Variants in DEUP1 observed in about 807,000 individuals in gnomAD.
DEUP1 encodes the protein coiled-coil domain containing 67.
Under a neutral mutation model 87.4 loss-of-function variants are expected in DEUP1, and 82 were observed. The ratio of observed to expected loss-of-function variants is 0.94; its 90% CI spans 0.78 to 1.13. DEUP1 has a LOEUF of 1.13. Ranked by LOEUF, DEUP1 falls within the 50% of genes most tolerant of loss-of-function variation. The probability of loss-of-function intolerance (pLI) is 0.00; values close to 1 mark genes in which losing one functional copy is unlikely to be tolerated. For missense variants in DEUP1, 663 were observed against 681.5 expected (o/e 0.97, Z 0.30); for synonymous variants, 214 against 222.7 (o/e 0.96, Z 0.35).
rs1948292972 is a variant in DEUP1, at chr11:93,437,752, CA to C, written c.*34del. 9.5e-7 allele frequency: 1 copy of C among 1,052,796 alleles called. No individual in the cohort carries two copies. The highest frequency in any genetic ancestry group is 2.7e-5 in the East Asian group (1 of 37,096). The allele number at this position is 1,052,796 out of a possible 1,614,324, so 65.2% of individuals were successfully genotyped here. ...AACTTTTTTATTTGCTTCCCCCCCC[CA>C]CCCCCGCCAAGAAAAAAAGCTCTGG... is the stretch of plus-strand genomic sequence containing the variant. On this transcript the variant is annotated 3_prime_UTR_variant, in exon 14 of 14. Transcript: ENST00000298050.
intron 4 of DEUP1, among the ~76,000 whole-genome samples, chr11:93,362,036 C>T (rs1014940812): frequency 1.3e-5 from 2 of 151,942 alleles, no homozygotes; most frequent in African/African-American, 4.8e-5. Context: ...AAGTTGGAGC[C>T]CTACCTTAAA....
At chr11:93,361,759 G>A (rs1479718973) in intron 4 of DEUP1, among the ~76,000 whole-genome samples, 1 of 151,882 alleles carries the variant, frequency 6.6e-6, no homozygotes, top group Non-Finnish European at 1.5e-5. Flanking sequence ...AACAAAAAAG[G>A]GCTTAAGCCT....
At chr11:93,392,114 T>C (rs1946782217) in intron 9 of DEUP1, among the ~76,000 whole-genome samples, 1 of 152,196 alleles carries the variant, frequency 6.6e-6, no homozygotes, top group African/African-American at 2.4e-5. Context: ...TCTGGACATG[T>C]GTACTTTCCA....
chr11:93,384,118 A>G (rs917778667), intron 7 of DEUP1, among the ~76,000 whole-genome samples: 1 of 152,138 alleles, frequency 6.6e-6, no homozygotes, highest in Non-Finnish European at 1.5e-5. Flanking sequence ...AAATCACCCA[A>G]CAGGCCATGG....
chr11:93,363,401 C>G (rs888791569), intron 4 of DEUP1, among the ~76,000 whole-genome samples: 7 of 151,660 alleles, frequency 4.6e-5, no homozygotes, highest in African/African-American at 1.7e-4. Flanking sequence ...TACTGTGGTT[C>G]AATAAGATGT....
Position 93,437,865 on chromosome 11 carries a change from T to C in DEUP1, c.*146T>C, listed in dbSNP as rs1591288044. On this transcript the variant is annotated 3_prime_UTR_variant, in exon 14 of 14. Transcript: ENST00000298050. ...TAATTTCCGTAAGGCAGCTAGAAAA[T>C]AGTAAGTATTTTGTTCTATAAAGCT... 5.2e-6 allele frequency: 3 copies of C among 581,340 alleles called. No individual in the cohort carries two copies. The highest frequency in any genetic ancestry group is 6.1e-5 in the East Asian group (2 of 32,688). The allele number at this position is 581,340 out of a possible 1,614,324, so 36.0% of individuals were successfully genotyped here. A position where few individuals can be genotyped will look rare whatever the true frequency, so the allele number is the denominator to read the frequency against.
At chr11:93,348,328 T>C (rs148194117) in intron 2 of DEUP1, among the ~76,000 whole-genome samples, 249 of 152,300 alleles carry the variant, frequency 1.6e-3, no homozygotes, top group African/African-American at 5.7e-3. Context: ...TTTATGTCTC[T>C]GTCTTCTTCA....
intron 7 of DEUP1, 25 bp from the exon 8 acceptor site, chr11:93,385,373 G>A: frequency 6.2e-7 from 1 of 1,610,108 alleles, no homozygotes; most frequent in South Asian, 1.1e-5. Context: ...CAATGAGCAT[G>A]AAATTTTTTG....
chr11:93,357,085 TA>T (rs755344861), intron 4 of DEUP1, 42 bp downstream of exon 4: 80 of 1,229,872 alleles, frequency 6.5e-5, no homozygotes, highest in South Asian at 2.1e-4. Context: ...CATTTTGATA[TA>T]TTTTTTTTTA....
At chr11:93,379,893 T>A (rs2134302811) in intron 7 of DEUP1, among the ~76,000 whole-genome samples, 1 of 152,346 alleles carries the variant, frequency 6.6e-6, no homozygotes, top group East Asian at 1.9e-4. Flanking sequence ...AAAATTAAAA[T>A]CCAGCTACTC....
rs753230404 is a variant in DEUP1 at position 93,357,357 on chromosome 11, A to AT, written c.297+320dup. ...CTGTGAGCAACAACAAAAAACAATT[A>AT]TTTTTTGTGGTTATTACTATCTAAT... On this transcript the variant is annotated intron_variant, in intron 4 of 13. Coordinates refer to ENST00000298050, the MANE Select transcript of DEUP1 (RefSeq NM_181645.4). 3.7e-5 allele frequency: 7 copies of AT among 188,162 alleles called. No homozygotes were observed. In the South Asian group the frequency reaches 7.0e-4, roughly 19 times the overall value. The allele number at this position is 188,162 out of a possible 1,614,324, so 11.7% of individuals were successfully genotyped here.
At chr11:93,364,767 T>C (rs1230461932) in intron 5 of DEUP1, among the ~76,000 whole-genome samples, 1 of 152,026 alleles carries the variant, frequency 6.6e-6, no homozygotes, top group Admixed American at 6.6e-5. Flanking sequence ...GCATTCAGAA[T>C]TTCTAAAATT....
chr11:93,434,060 G>A (rs1223560401), intron 13 of DEUP1, among the ~76,000 whole-genome samples: 1 of 152,154 alleles, frequency 6.6e-6, no homozygotes, highest in Non-Finnish European at 1.5e-5. Context: ...CCCAGCTAGA[G>A]GAGAGATGCA....
intron 2 of DEUP1, among the ~76,000 whole-genome samples, chr11:93,343,751 A>G (rs1944191234): frequency 6.6e-6 from 1 of 152,204 alleles, no homozygotes; most frequent in Non-Finnish European, 1.5e-5. Context: ...AGGGACTTGG[A>G]GGCTATGGCG....
chr11:93,418,606 T>C (rs1252665204), intron 13 of DEUP1, among the ~76,000 whole-genome samples: 3 of 151,816 alleles, frequency 2.0e-5, no homozygotes, highest in African/African-American at 4.8e-5. Flanking sequence ...AGTTCAACCA[T>C]TGTGGAAGTC....
rs201790053 is a variant in DEUP1, at chr11:93,355,449, G to A, written c.108G>A (p.Trp36Ter). The change falls in exon 3 of 14, where the codon TGG (tryptophan) becomes TGA (stop). Residue 36 changes from tryptophan to a stop codon, truncating the protein, a stop_gained. Transcript: ENST00000298050. LOFTEE classifies it high-confidence loss of function. Reference sequence around the variant, plus strand: ...TGGTAAGCAACAAGAAAATGGATTGGGAAAGAAAGATGCGGGCTTTGGAGA... The same window carrying A: ...TGGTAAGCAACAAGAAAATGGATTGAGAAAGAAAGATGCGGGCTTTGGAGA... ...DIMVSNKKMD[W>*]ERKMRALETR... 1.0e-4 allele frequency: 166 copies of A among 1,613,654 alleles called. No individual in the cohort carries two copies. The highest frequency in any genetic ancestry group is 1.1e-4 in the Non-Finnish European group (133 of 1,179,778).
At chr11:93,404,385 T>C (rs561865366) in intron 11 of DEUP1, among the ~76,000 whole-genome samples, 1 of 152,178 alleles carries the variant, frequency 6.6e-6, no homozygotes, top group South Asian at 2.1e-4. Flanking sequence ...TCAGATTTAA[T>C]TAGAACTCAG....
chr11:93,332,112 GA>G, intron 1 of DEUP1, 103 bp from the exon 2 acceptor site: 1 of 635,104 alleles, frequency 1.6e-6, no homozygotes, highest in Non-Finnish European at 2.7e-6. Context: ...CTACTACACA[GA>G]AAAACTCATA....
At chr11:93,336,442 T>C (rs187286088) in intron 2 of DEUP1, among the ~76,000 whole-genome samples, 1 of 152,320 alleles carries the variant, frequency 6.6e-6, no homozygotes, top group Non-Finnish European at 1.5e-5. Flanking sequence ...CTTTACTCCA[T>C]AGTCATCAGA....
Sources: allele counts gnomAD v4.1 joint callset (sites outside exome capture counted in the v4.1 genomes callset), GRCh38; gene constraint gnomAD v4.1.1; transcripts MANE v1.5; gene names NCBI Gene and HGNC (gene_info 2026-07-23, HGNC 2026-07-21).